The following MAGI1 variants were observed in gnomAD, a reference collection of about 807,000 sequenced individuals.
The protein encoded by MAGI1 is membrane associated guanylate kinase, WW and PDZ domain containing 1.
MAGI1 carries 58 observed loss-of-function variants against 139.9 expected under a neutral mutation model. The observed-to-expected ratio is 0.41, with a 90% CI of 0.34 to 0.52. MAGI1 has a LOEUF of 0.52. Ranked by LOEUF, MAGI1 falls within the 20% of genes least tolerant of loss-of-function variation. MAGI1 has a pLI of 0.12. For missense variants in MAGI1, 1,874 were observed against 1,901.6 expected (o/e 0.99, Z 0.27); for synonymous variants, 812 against 737.9 (o/e 1.10, Z -1.63).
chr3:65,358,935 G>C, intron 22 of MAGI1: 1 of 851,196 alleles, frequency 1.2e-6, no homozygotes, highest in African/African-American at 1.7e-5. Context: ...GGTCAGCGTT[G>C]TACTTACAAT....
At chr3:65,464,792 C>A (rs1302219089) in intron 5 of MAGI1, among the ~76,000 whole-genome samples, 2 of 151,816 alleles carry the variant, frequency 1.3e-5, no homozygotes, top group African/African-American at 4.8e-5. Context: ...GGGCTTAAGT[C>A]TTCCATTTTG....
At chr3:65,864,210 C>T (rs1359186813) in intron 1 of MAGI1, among the ~76,000 whole-genome samples, 3 of 152,152 alleles carry the variant, frequency 2.0e-5, no homozygotes, top group Non-Finnish European at 2.9e-5. Context: ...CAGACACACA[C>T]AGACATAGAG....
At chr3:65,840,291 A>G (rs2058761004) in intron 1 of MAGI1, among the ~76,000 whole-genome samples, 1 of 152,028 alleles carries the variant, frequency 6.6e-6, no homozygotes, top group Admixed American at 6.6e-5. Context: ...AAATTCCAGT[A>G]CTATATTGAA....
intron 1 of MAGI1, among the ~76,000 whole-genome samples, chr3:65,728,721 A>AT (rs1460535886): frequency 6.6e-6 from 1 of 152,138 alleles, no homozygotes; most frequent in African/African-American, 2.4e-5. Context: ...AAAAAACCGT[A>AT]TTTTTTAAAA....
Position 66,038,230 on chromosome 3 carries a change from C to G in MAGI1, c.79G>C (p.Glu27Gln). Residue 27 changes from glutamate (E) to glutamine (Q), a missense_variant, in exon 1 of 23, where the codon GAG becomes CAG. Physicochemically the swap from Glu to Gln is conservative, Grantham distance 29 (BLOSUM62 2). Coordinates refer to ENST00000402939, the MANE Select transcript of MAGI1 (RefSeq NM_001033057.2). Reference sequence around the variant, plus strand: ...CCTCCCAGCACCGTCACCCCCAGCTCGCCCTGGGGTCCCCGCTTCACGGTG... The same window carrying G: ...CCTCCCAGCACCGTCACCCCCAGCTGGCCCTGGGGTCCCCGCTTCACGGTG... ...ECTVKRGPQGELGVTVLGGAE... is the reference protein window; with the variant it reads ...ECTVKRGPQGQLGVTVLGGAE... 1 of 1,611,796 alleles carries G rather than the reference C, an allele frequency of 6.2e-7. No individual in the cohort carries two copies. The highest frequency in any genetic ancestry group is 2.2e-5 in the East Asian group (1 of 44,824).
intron 1 of MAGI1, among the ~76,000 whole-genome samples, chr3:65,837,355 G>T (rs1202021330): frequency 6.6e-6 from 1 of 152,174 alleles, no homozygotes; most frequent in Admixed American, 6.5e-5. Flanking sequence ...CCTGCTGACG[G>T]AAGATAAAGC....
intron 1 of MAGI1, among the ~76,000 whole-genome samples, chr3:65,756,052 T>C (rs1220465494): frequency 6.6e-6 from 1 of 152,218 alleles, no homozygotes; most frequent in Non-Finnish European, 1.5e-5. Context: ...AGATTTTCTA[T>C]AACTGGGAAC....
intron 1 of MAGI1, among the ~76,000 whole-genome samples, chr3:65,657,792 A>AC (rs1166254795): frequency 6.6e-5 from 10 of 152,074 alleles, no homozygotes; most frequent in Admixed American, 2.0e-4. Flanking sequence ...TTGCATGATG[A>AC]CCCCCAGTGA....
At chr3:65,369,142 C>T (rs563652797) in intron 18 of MAGI1, among the ~76,000 whole-genome samples, 6 of 152,272 alleles carry the variant, frequency 3.9e-5, no homozygotes, top group Middle Eastern at 3.4e-3. Flanking sequence ...CCATTGTCCA[C>T]CCTGGTCCCA....
At chr3:65,948,523 C>A (rs919170984) in intron 1 of MAGI1, among the ~76,000 whole-genome samples, 2 of 152,022 alleles carry the variant, frequency 1.3e-5, no homozygotes, top group African/African-American at 2.4e-5. Context: ...ATCACTTGGC[C>A]GGCCTCATGA....
At position 66,037,229 on chromosome 3, in the gene MAGI1, T is replaced by C. The variant is rs778416849; in HGVS notation, c.313+767A>G. On this transcript the variant is annotated intron_variant, in intron 1 of 22. Coordinates refer to ENST00000402939, the MANE Select transcript of MAGI1 (RefSeq NM_001033057.2). Reference sequence around the variant, plus strand: ...AGAACTGTTGTGAATCGGAGTGAGATAGTGCAAGTAAAGTATTTTACACAG... The same window carrying C: ...AGAACTGTTGTGAATCGGAGTGAGACAGTGCAAGTAAAGTATTTTACACAG... Among the ~76,000 whole-genome samples, 115 of 152,146 alleles carry C rather than the reference T, an allele frequency of 7.6e-4. 2 individuals carry two copies. The highest frequency in any genetic ancestry group is 1.5e-4 in the Non-Finnish European group (10 of 68,018).
chr3:65,751,634 T>C (rs558163636), intron 1 of MAGI1, among the ~76,000 whole-genome samples: 23 of 152,290 alleles, frequency 1.5e-4, no homozygotes, highest in Middle Eastern at 3.4e-3. Flanking sequence ...AGTTTCCAAA[T>C]GTCACTGAAG....
intron 2 of MAGI1, among the ~76,000 whole-genome samples, chr3:65,527,417 T>C (rs756210321): frequency 6.6e-6 from 1 of 152,018 alleles, no homozygotes; most frequent in Non-Finnish European, 1.5e-5. Flanking sequence ...CCATCTCTAC[T>C]GAAAATATAA....
At chr3:65,638,934 A>G (rs915307259) in intron 1 of MAGI1, among the ~76,000 whole-genome samples, 2 of 151,942 alleles carry the variant, frequency 1.3e-5, no homozygotes, top group African/African-American at 2.4e-5. Context: ...CTTTTAGTAG[A>G]GACAAGGTTG....
intron 1 of MAGI1, among the ~76,000 whole-genome samples, chr3:65,802,133 A>C (rs932404317): frequency 6.6e-6 from 1 of 152,138 alleles, no homozygotes; most frequent in African/African-American, 2.4e-5. Context: ...CTGGTGCCAA[A>C]AAGGTTGGGG....
intron 4 of MAGI1, among the ~76,000 whole-genome samples, 192 bp downstream of exon 4, chr3:65,478,400 C>T (rs1951029748): frequency 6.6e-6 from 1 of 152,118 alleles, no homozygotes; most frequent in South Asian, 2.1e-4. Flanking sequence ...TTAAAATATT[C>T]TTGTAAAGGG....
At chr3:65,532,182 C>T (rs930971726) in intron 2 of MAGI1, among the ~76,000 whole-genome samples, 2 of 152,186 alleles carry the variant, frequency 1.3e-5, no homozygotes, top group Non-Finnish European at 2.9e-5. Context: ...TTCTATTCAA[C>T]GTTCCAATCA....
At chr3:65,396,696 T>C (rs1002900373) in intron 13 of MAGI1, among the ~76,000 whole-genome samples, 7 of 152,240 alleles carry the variant, frequency 4.6e-5, no homozygotes, top group South Asian at 2.1e-4. Context: ...AGTTCACTTA[T>C]CTGCCAAGAG....
At chr3:65,677,072 T>A (rs962693727) in intron 1 of MAGI1, among the ~76,000 whole-genome samples, 1 of 152,154 alleles carries the variant, frequency 6.6e-6, no homozygotes, top group African/African-American at 2.4e-5. Context: ...ACATACACGA[T>A]GAGAAAGAGA....
Sources: allele counts gnomAD v4.1 joint callset (sites outside exome capture counted in the v4.1 genomes callset), GRCh38; gene constraint gnomAD v4.1.1; transcripts MANE v1.5; gene names NCBI Gene and HGNC (gene_info 2026-07-23, HGNC 2026-07-21).